The following NBAS variants were observed in gnomAD, a reference collection of about 807,000 sequenced individuals.
NBAS encodes NAG/BC035112 fusion.
Under a neutral mutation model 302.5 loss-of-function variants are expected in NBAS, and 219 were observed. The ratio of observed to expected loss-of-function variants is 0.72; its 90% CI spans 0.65 to 0.81. The LOEUF is 0.81. Ranked by LOEUF, NBAS falls within the 30% of genes least tolerant of loss-of-function variation. The pLI, the probability that NBAS is intolerant of heterozygous loss-of-function variation, is 0.00. For synonymous variants in NBAS, 1,118 were observed against 1,021.6 expected, an observed-to-expected ratio of 1.09 and a Z score of -1.80; for missense variants, 2,932 against 2,841.6, an observed-to-expected ratio of 1.03 and a Z score of -0.72.
chr2:14,848,853 G>T, the NBAS span, among the ~76,000 whole-genome samples: 1 of 151,210 alleles, frequency 6.6e-6, no homozygotes, highest in Non-Finnish European at 1.5e-5. Context: ...CAACAGACCT[G>T]CAGCTGAGGG....
chr2:15,144,592 T>C, the NBAS span, among the ~76,000 whole-genome samples: 1 of 152,200 alleles, frequency 6.6e-6, no homozygotes, highest in Non-Finnish European at 1.5e-5. Flanking sequence ...GAGGTACTTC[T>C]GAGTGGCCAC....
At chr2:15,394,203 G>A in intron 28 of NBAS, 24 bp downstream of exon 28, 1 of 1,563,898 alleles carries the variant, frequency 6.4e-7, no homozygotes, top group Non-Finnish European at 8.7e-7. Context: ...ATTGACCCAA[G>A]TATCAATTAA....
At chr2:15,362,774 TCTA>T (rs1673999822) in intron 32 of NBAS, among the ~76,000 whole-genome samples, 2 of 152,180 alleles carry the variant, frequency 1.3e-5, no homozygotes, top group African/African-American at 4.8e-5. Context: ...GGCTACAAGC[TCTA>T]ATCTGGGTGG....
At chr2:15,076,531 C>T in the NBAS span, among the ~76,000 whole-genome samples, 14 of 152,140 alleles carry the variant, frequency 9.2e-5, no homozygotes, top group Non-Finnish European at 1.3e-4. Context: ...AGTTGTGTTC[C>T]AATAACATCA....
chr2:15,342,440 G>A (rs753585924), intron 35 of NBAS, among the ~76,000 whole-genome samples: 1 of 152,042 alleles, frequency 6.6e-6, no homozygotes, highest in Non-Finnish European at 1.5e-5. Flanking sequence ...ACATGAAACA[G>A]TAAGCTGCAA....
the NBAS span, among the ~76,000 whole-genome samples, chr2:14,894,540 AATAT>A: frequency 7.3e-4 from 111 of 151,928 alleles, no homozygotes; most frequent in African/African-American, 2.4e-3. Context: ...AGAAATGTAA[AATAT>A]ATATATAAAT....
At chr2:14,944,072 G>A in the NBAS span, among the ~76,000 whole-genome samples, 1 of 152,188 alleles carries the variant, frequency 6.6e-6, no homozygotes, top group Admixed American at 6.5e-5. Context: ...GGCCGAGGCG[G>A]GCGGATCACG....
the NBAS span, among the ~76,000 whole-genome samples, chr2:15,084,864 T>C: frequency 2.6e-5 from 4 of 152,234 alleles, no homozygotes; most frequent in South Asian, 6.2e-4. Flanking sequence ...TTGAAAGGTA[T>C]TCATTATGTT....
intron 41 of NBAS, among the ~76,000 whole-genome samples, chr2:15,290,096 G>GGGAGAGA (rs1436899127): frequency 2.7e-5 from 4 of 149,818 alleles, no homozygotes; most frequent in Admixed American, 2.0e-4. Flanking sequence ...GAGGGGAGAG[G>GGGAGAGA]GGAGAGAGGA....
At chr2:14,983,988 G>A in the NBAS span, among the ~76,000 whole-genome samples, 1 of 152,008 alleles carries the variant, frequency 6.6e-6, no homozygotes, top group Non-Finnish European at 1.5e-5. Flanking sequence ...GGCTTCCGAG[G>A]GGGCGTGCCA....
At chr2:14,875,240 A>C in the NBAS span, among the ~76,000 whole-genome samples, 1 of 151,934 alleles carries the variant, frequency 6.6e-6, no homozygotes, top group Admixed American at 6.6e-5. Context: ...GAAATCGACC[A>C]AAAAAAACAA....
chr2:15,511,428 A>C (rs1284420969), intron 9 of NBAS, 78 bp from the exon 10 acceptor site: 6 of 1,347,436 alleles, frequency 4.5e-6, no homozygotes, highest in Non-Finnish European at 6.3e-6. Flanking sequence ...AGAAACAGTC[A>C]CCTTGAGAAA....
intron 28 of NBAS, among the ~76,000 whole-genome samples, chr2:15,391,369 C>A: frequency 1.0e-5 from 1 of 99,292 alleles, no homozygotes. Flanking sequence ...AAATTGAACT[C>A]TTAGAGATTA....
intron 21 of NBAS, 72 bp from the exon 22 acceptor site, chr2:15,427,866 T>G (rs1677557530): frequency 9.0e-7 from 1 of 1,108,386 alleles, no homozygotes; most frequent in Non-Finnish European, 1.3e-6. Context: ...AGGAGTAAAA[T>G]GCAAACAGCA....
intron 44 of NBAS, among the ~76,000 whole-genome samples, chr2:15,265,945 C>G (rs1166579465): frequency 6.6e-6 from 1 of 152,150 alleles, no homozygotes; most frequent in Middle Eastern, 3.2e-3. Context: ...GCCGATAATA[C>G]GGTTTGGTTC....
intron 40 of NBAS, among the ~76,000 whole-genome samples, chr2:15,306,324 C>A (rs1331260149): frequency 6.6e-6 from 1 of 152,204 alleles, no homozygotes; most frequent in Non-Finnish European, 1.5e-5. Flanking sequence ...CAAAGTAACA[C>A]CTTAGGCAAA....
intron 45 of NBAS, among the ~76,000 whole-genome samples, chr2:15,235,503 A>C (rs1356292490): frequency 1.3e-5 from 2 of 152,232 alleles, no homozygotes; most frequent in Admixed American, 1.3e-4. Context: ...GATTCTTTAT[A>C]GTTTCCCTTG....
chr2:15,355,398 A>C (rs948897563), intron 33 of NBAS, among the ~76,000 whole-genome samples: 1 of 152,216 alleles, frequency 6.6e-6, no homozygotes, highest in Non-Finnish European at 1.5e-5. Flanking sequence ...TTATTCTACA[A>C]TAAAATCTGA....
chr2:14,860,951 A>T, the NBAS span, among the ~76,000 whole-genome samples: 1 of 152,218 alleles, frequency 6.6e-6, no homozygotes, highest in Non-Finnish European at 1.5e-5. Context: ...AATTTATCAC[A>T]TATACCCCAA....
Sources: gnomAD v4.1 joint callset for allele counts (sites outside exome capture counted in the v4.1 genomes callset) on GRCh38, gnomAD v4.1.1 for gene constraint, MANE v1.5 for transcripts, NCBI Gene and HGNC (gene_info 2026-07-23, HGNC 2026-07-21) for gene names.